Variants in CBFB observed in about 807,000 individuals in gnomAD.
CBFB encodes the protein core-binding factor subunit beta.
In CBFB, 9 loss-of-function variants were observed where a neutral mutation model predicts 30.4. The ratio of observed to expected loss-of-function variants is 0.30; its 90% confidence interval spans 0.18 to 0.52. The LOEUF is 0.52. CBFB is among the 20% of genes least tolerant of loss of function. The pLI is 0.97. For missense variants in CBFB, 170 were observed against 244.0 expected (o/e 0.70, Z 2.02); for synonymous variants, 94 against 84.0 (o/e 1.12, Z -0.65).
chr16:67,043,717 A>G (rs1344945107), intron 3 of CBFB, among the ~76,000 whole-genome samples: 1 of 152,238 alleles, frequency 6.6e-6, no homozygotes, highest in Non-Finnish European at 1.5e-5. Context: ...TGTGAGAATT[A>G]AATGTAGTAC....
intron 2 of CBFB, among the ~76,000 whole-genome samples, chr16:67,031,820 G>GT (rs568596188): frequency 1.6e-3 from 231 of 144,312 alleles, no homozygotes; most frequent in Middle Eastern, 7.2e-3. Flanking sequence ...GTCTTGTTTC[G>GT]TTTTTTTTTT....
chr16:67,052,641 CATT>C (rs970417007), intron 3 of CBFB, among the ~76,000 whole-genome samples: 3 of 152,034 alleles, frequency 2.0e-5, no homozygotes, highest in African/African-American at 7.2e-5. Context: ...TTGTGATTCA[CATT>C]ATATATTTCT....
At chr16:67,048,807 CCTT>C (rs1966678957) in intron 3 of CBFB, among the ~76,000 whole-genome samples, 1 of 146,046 alleles carries the variant, frequency 6.8e-6, no homozygotes, top group Non-Finnish European at 1.5e-5. Flanking sequence ...CCGTGTCTAG[CCTT>C]TTTTTTTTTT....
intron 4 of CBFB, among the ~76,000 whole-genome samples, chr16:67,078,720 C>T (rs1961474024): frequency 6.6e-6 from 1 of 152,152 alleles, no homozygotes; most frequent in African/African-American, 2.4e-5. Flanking sequence ...GTGATCTTGG[C>T]TCACCGCAAC....
chr16:67,050,131 A>C (rs985956000), intron 3 of CBFB, among the ~76,000 whole-genome samples: 1 of 149,460 alleles, frequency 6.7e-6, no homozygotes, highest in African/African-American at 2.4e-5. Flanking sequence ...TGGTCCACCA[A>C]GTTACTCTAC....
chr16:67,029,753 GC>G lies in CBFB; in HGVS notation c.109del (p.His37ThrfsTer52). ...TTAAGTACACGGGCTTCAGGGACCG[GC>G]CCCACGAGGAACGCCAGGCACGCTT... ...EIKYTGFRDR[P>X]HEERQARFQN... On this transcript the variant is annotated frameshift_variant, in exon 2 of 6. Coordinates refer to ENST00000412916, the MANE Select transcript of CBFB (RefSeq NM_022845.3). LOFTEE classifies it high-confidence loss of function. 6.3e-7 allele frequency: 1 copy of G among 1,596,572 alleles called. No homozygotes were observed. Among genetic ancestry groups the G allele is most frequent in the Admixed American group, 1.7e-5 (1 of 58,546 alleles).
chr16:67,030,669 G>A (rs935506037), intron 2 of CBFB, among the ~76,000 whole-genome samples: 20 of 152,144 alleles, frequency 1.3e-4, no homozygotes, highest in African/African-American at 4.6e-4. Context: ...GCTCGATCTC[G>A]GGTCACTGCA....
intron 4 of CBFB, among the ~76,000 whole-genome samples, chr16:67,075,233 G>GTA (rs1567619136): frequency 6.7e-6 from 1 of 149,648 alleles, no homozygotes; most frequent in Non-Finnish European, 1.5e-5. Context: ...GTGTGTGTGT[G>GTA]TAAAGAACTC....
At chr16:67,051,506 A>G (rs1433198762) in intron 3 of CBFB, among the ~76,000 whole-genome samples, 1 of 152,058 alleles carries the variant, frequency 6.6e-6, no homozygotes, top group Non-Finnish European at 1.5e-5. Context: ...ACACACATAC[A>G]TATATGGATC....
chr16:67,070,570 CAG>C (rs1421957550), intron 4 of CBFB, among the ~76,000 whole-genome samples: 1 of 151,938 alleles, frequency 6.6e-6, no homozygotes, highest in Non-Finnish European at 1.5e-5. Context: ...AGTATTTTGA[CAG>C]GGTGCAGTGG....
chr16:67,068,183 G>A (rs772074910), intron 4 of CBFB, among the ~76,000 whole-genome samples: 1 of 152,138 alleles, frequency 6.6e-6, no homozygotes, highest in African/African-American at 2.4e-5. Flanking sequence ...CAGAAAGCAA[G>A]ACTTAAAAAA....
chr16:67,045,869 C>G (rs1966619006), intron 3 of CBFB, among the ~76,000 whole-genome samples: 1 of 143,992 alleles, frequency 6.9e-6, no homozygotes, highest in Non-Finnish European at 1.5e-5. Context: ...AATCTTGGCT[C>G]ACTGCAACCT....
chr16:67,029,648 T>A, intron 1 of CBFB, 79 bp from the exon 2 acceptor site: 2 of 1,388,236 alleles, frequency 1.4e-6, no homozygotes, highest in Non-Finnish European at 2.0e-6. Flanking sequence ...CTTGCCCTTA[T>A]CGGCGCTGCG....
intron 4 of CBFB, among the ~76,000 whole-genome samples, chr16:67,081,094 A>G (rs1961541450): frequency 6.6e-6 from 1 of 151,076 alleles, no homozygotes; most frequent in Admixed American, 6.6e-5. Context: ...GTCATCTAGC[A>G]TTAGGTATAT....
In CBFB at chr16:67,030,072, C is replaced by T. The variant is rs1966308667; in HGVS notation, c.165+259C>T. ...GAGTGGAGCTCGAACCCGAGCCAGA[C>T]TAAACAAGCGAAGGGCATTGTTTAG... On this transcript the variant is annotated intron_variant, in intron 2 of 5. Transcript: ENST00000412916. 7.0e-6 allele frequency: 3 copies of T among 427,260 alleles called. No individual in the cohort carries two copies. The East Asian group carries it at 1.2e-4, about 18-fold the overall frequency. The allele number at this position is 427,260 out of a possible 1,614,324, so 26.5% of individuals were successfully genotyped here.
chr16:67,096,790 C>A (rs1463108454), intron 5 of CBFB, among the ~76,000 whole-genome samples: 1 of 151,152 alleles, frequency 6.6e-6, no homozygotes, highest in Non-Finnish European at 1.5e-5. Context: ...CTGGCTAACA[C>A]AAAGAAACCC....
At chr16:67,049,000 T>C (rs1008944040) in intron 3 of CBFB, among the ~76,000 whole-genome samples, 8 of 151,484 alleles carry the variant, frequency 5.3e-5, no homozygotes, top group Admixed American at 6.6e-5. Context: ...TTTGTATTTT[T>C]AGTAGAGACA....
At chr16:67,075,197 A>ATATATGTGTGTG (rs369475383) in intron 4 of CBFB, among the ~76,000 whole-genome samples, 2 of 142,766 alleles carry the variant, frequency 1.4e-5, no homozygotes, top group Non-Finnish European at 3.1e-5. Flanking sequence ...CTCAAAAAAA[A>ATATATGTGTGTG]TGTGTGTGTG....
At chr16:67,068,881 A>G (rs749718608) in intron 4 of CBFB, among the ~76,000 whole-genome samples, 4 of 152,198 alleles carry the variant, frequency 2.6e-5, no homozygotes, top group Non-Finnish European at 5.9e-5. Context: ...AGAGTATATC[A>G]ATAAAGGGAT....
Sources: allele counts gnomAD v4.1 joint callset (sites outside exome capture counted in the v4.1 genomes callset), GRCh38; gene constraint gnomAD v4.1.1; transcripts MANE v1.5; gene names NCBI Gene and HGNC (gene_info 2026-07-23, HGNC 2026-07-21).